CYTH3: variants seen among roughly 807,000 people sequenced by gnomAD.
CYTH3 encodes cytohesin-3.
CYTH3 carries 23 observed loss-of-function variants against 55.1 expected under a neutral mutation model. That is an observed-to-expected ratio of 0.42 (90% CI 0.30 to 0.59). CYTH3 has a LOEUF of 0.59. CYTH3 is among the 20% of genes least tolerant of loss of function. CYTH3 has a pLI of 0.20. For missense variants in CYTH3, 413 were observed against 524.8 expected (o/e 0.79, Z 2.08); for synonymous variants, 249 against 194.9 (o/e 1.28, Z -2.31).
chr7:6,189,102 C>T (rs1783732337), intron 2 of CYTH3, among the ~76,000 whole-genome samples: 1 of 152,188 alleles, frequency 6.6e-6, no homozygotes, highest in South Asian at 2.1e-4. Flanking sequence ...ACCTCCATGT[C>T]TGATTGACTT....
At chr7:6,223,300 C>T (rs1478250222) in intron 1 of CYTH3, among the ~76,000 whole-genome samples, 2 of 152,120 alleles carry the variant, frequency 1.3e-5, no homozygotes, top group Admixed American at 6.5e-5. Flanking sequence ...TCTGCCAGGC[C>T]GCCCCGTCTG....
chr7:6,236,682 C>T (rs1026692502), intron 1 of CYTH3, among the ~76,000 whole-genome samples: 5 of 152,168 alleles, frequency 3.3e-5, no homozygotes, highest in Non-Finnish European at 4.4e-5. Context: ...CTGCCTCAGC[C>T]TCCTGAGTAA....
rs1562417686 is a variant in CYTH3, at chr7:6,259,788, TATATA to T, written c.34+12681_34+12685del. Among the ~76,000 whole-genome samples the T allele has an allele frequency of 2.3e-3, 34 of 15,100 alleles. 3 individuals carry two copies. In the East Asian group the frequency reaches 0.089, roughly 39 times the overall value. 9.9% of individuals were successfully genotyped at this position (15,100 alleles called of 152,430 possible). ...ATATATATATTATATATATATAATATATATATATATATATATATATATATAATATA... is the reference window on the plus strand; with the variant it reads ...ATATATATATTATATATATATAATATTATATATATATATATATATAATATA... On this transcript the variant is annotated intron_variant, in intron 1 of 12. Transcript: ENST00000350796.
At chr7:6,206,322 G>A (rs757637304) in intron 1 of CYTH3, among the ~76,000 whole-genome samples, 6 of 152,222 alleles carry the variant, frequency 3.9e-5, no homozygotes, top group Admixed American at 1.3e-4. Flanking sequence ...CTGAGAACAC[G>A]ATGCTAGGTG....
chr7:6,201,752 A>C (rs1024663652), intron 1 of CYTH3, among the ~76,000 whole-genome samples: 2 of 152,228 alleles, frequency 1.3e-5, no homozygotes, highest in Non-Finnish European at 2.9e-5. Context: ...TTAGGGTTCG[A>C]AGGCGGAGCG....
chr7:6,224,706 C>T (rs576160668), intron 1 of CYTH3, among the ~76,000 whole-genome samples: 36 of 152,254 alleles, frequency 2.4e-4, no homozygotes, highest in African/African-American at 8.7e-4. Context: ...TCTACTTCTA[C>T]GTATATACCC....
chr7:6,236,458 A>T (rs1779527630), intron 1 of CYTH3, among the ~76,000 whole-genome samples: 1 of 150,754 alleles, frequency 6.6e-6, no homozygotes, highest in Admixed American at 6.6e-5. Flanking sequence ...AATCCTCCCA[A>T]CTTGGCCTCC....
chr7:6,225,329 C>T (rs900728402), intron 1 of CYTH3, among the ~76,000 whole-genome samples: 3 of 151,916 alleles, frequency 2.0e-5, no homozygotes, highest in Non-Finnish European at 4.4e-5. Context: ...TAAGATAGAG[C>T]CTACATTAAG....
intron 4 of CYTH3, among the ~76,000 whole-genome samples, chr7:6,183,742 C>T (rs1013371846): frequency 1.3e-5 from 2 of 151,948 alleles, no homozygotes; most frequent in African/African-American, 4.8e-5. Context: ...GTGTCCCCCC[C>T]ACAATTCATA....
chr7:6,188,304 G>T (rs1445014148), intron 2 of CYTH3, among the ~76,000 whole-genome samples: 1 of 151,552 alleles, frequency 6.6e-6, no homozygotes, highest in Non-Finnish European at 1.5e-5. Context: ...CTGTACTCCA[G>T]TCTGGGTGAC....
Position 6,167,349 on chromosome 7 carries a change from C to G in CYTH3, c.824-1539G>C, listed in dbSNP as rs541492737. Among the ~76,000 whole-genome samples, 2 of 152,312 alleles carry G rather than the reference C, an allele frequency of 1.3e-5. No individual in the cohort carries two copies. Among genetic ancestry groups the G allele is most frequent in the East Asian group, 3.9e-4 (2 of 5,178 alleles). ...GAGAGGTGTTCTATGTCCCCGAGACCCTAGGGACAGGAGGACAGTGCTGAT... is the reference window on the plus strand; with the variant it reads ...GAGAGGTGTTCTATGTCCCCGAGACGCTAGGGACAGGAGGACAGTGCTGAT... On this transcript the variant is annotated intron_variant, in intron 9 of 12. Coordinates refer to ENST00000350796, the MANE Select transcript of CYTH3 (RefSeq NM_004227.4). This position sits in a 1 kb window ranked among gnomAD's most constrained non-coding sequence, Gnocchi z 5.5.
At chr7:6,220,595 A>AAC (rs1784529475) in intron 1 of CYTH3, among the ~76,000 whole-genome samples, 1 of 151,162 alleles carries the variant, frequency 6.6e-6, no homozygotes, top group African/African-American at 2.4e-5. Flanking sequence ...AAAAAAAAAA[A>AAC]CCAAAGGCTG....
chr7:6,174,839 G>A (rs1783303822), intron 5 of CYTH3, among the ~76,000 whole-genome samples: 1 of 152,110 alleles, frequency 6.6e-6, no homozygotes, highest in African/African-American at 2.4e-5. Context: ...GAGCCGCCAC[G>A]CCCAGCCTCT....
intron 5 of CYTH3, among the ~76,000 whole-genome samples, chr7:6,176,254 A>ATTTTTTTTTTTTT (rs776819156): frequency 2.4e-5 from 2 of 82,868 alleles, no homozygotes; most frequent in Admixed American, 1.5e-4. Flanking sequence ...AATACAATTG[A>ATTTTTTTTTTTTT]TTTTTTTTTT....
At chr7:6,251,003 G>T (rs911171969) in intron 1 of CYTH3, among the ~76,000 whole-genome samples, 46 of 152,344 alleles carry the variant, frequency 3.0e-4, no homozygotes, top group African/African-American at 1.1e-3. Flanking sequence ...GAAGAGCCGG[G>T]CTCAGTGGCT....
Position 6,165,324 on chromosome 7 carries a change from C to T in CYTH3, c.1076G>A (p.Arg359Gln), listed in dbSNP as rs371624575. 13 of 1,614,102 alleles carry T rather than the reference C, an allele frequency of 8.1e-6. No homozygotes were observed. The highest frequency in any genetic ancestry group is 3.3e-5 in the South Asian group (3 of 91,090). Residue 359 changes from arginine (R) to glutamine (Q), a missense_variant, in exon 12 of 13, where the codon CGG becomes CAG. Physicochemically the swap from Arg to Gln is conservative, Grantham distance 43 (BLOSUM62 1). Coordinates refer to ENST00000350796, the MANE Select transcript of CYTH3 (RefSeq NM_004227.4). ...CTCCTCCGGGCTCGGGGCTGAGATCCGGTACACCACATGGTTCCCCTCTAC... is the reference window on the plus strand; with the variant it reads ...CTCCTCCGGGCTCGGGGCTGAGATCTGGTACACCACATGGTTCCCCTCTAC... Reference protein sequence around the residue: ...RVVEGNHVVYRISAPSPEEKE... With the variant: ...RVVEGNHVVYQISAPSPEEKE...
At chr7:6,249,156 G>A (rs1398205380) in intron 1 of CYTH3, among the ~76,000 whole-genome samples, 3 of 152,052 alleles carry the variant, frequency 2.0e-5, no homozygotes, top group East Asian at 1.9e-4. Flanking sequence ...TTTCTCACTC[G>A]ATTTCCCTTT....
chr7:6,175,879 C>A (rs1205866230), intron 5 of CYTH3, among the ~76,000 whole-genome samples: 1 of 152,110 alleles, frequency 6.6e-6, no homozygotes, highest in Admixed American at 6.6e-5. Flanking sequence ...GTGAGTTCTG[C>A]AACTTTGTTC....
In CYTH3 at chr7:6,161,957, G is replaced by A. The variant is rs1182773334; in HGVS notation, c.*2987C>T. ...ACAGACACTCCAGAAATCAACAGAT[G>A]TACATTATTTACATATTACTATATT... On this transcript the variant is annotated 3_prime_UTR_variant, in exon 13 of 13. Transcript: ENST00000350796. 2 of 152,526 alleles carry A rather than the reference G, an allele frequency of 1.3e-5. No individual in the cohort carries two copies. The highest frequency in any genetic ancestry group is 2.9e-5 in the Non-Finnish European group (2 of 68,034). The allele number at this position is 152,526 out of a possible 1,614,324, so 9.4% of individuals were successfully genotyped here. A position where few individuals can be genotyped will look rare whatever the true frequency, so the allele number is the denominator to read the frequency against.
Sources: gnomAD v4.1 joint callset for allele counts (sites outside exome capture counted in the v4.1 genomes callset) on GRCh38, gnomAD v4.1.1 for gene constraint, Gnocchi (gnomAD v3.1) non-coding constraint, MANE v1.5 for transcripts, NCBI Gene and HGNC (gene_info 2026-07-23, HGNC 2026-07-21) for gene names.